Variants in SORCS2 observed in about 807,000 individuals in gnomAD.
The protein encoded by SORCS2 is VPS10 domain-containing receptor SorCS2.
A neutral mutation model predicts 141.6 loss-of-function variants in SORCS2; 100 were observed. The ratio of observed to expected loss-of-function variants is 0.71; its 90% CI spans 0.60 to 0.83. SORCS2 has a LOEUF of 0.83. Ranked by LOEUF, SORCS2 falls within the 40% of genes least tolerant of loss-of-function variation. The pLI, the probability that SORCS2 is intolerant of heterozygous loss-of-function variation, is 0.00. For missense variants in SORCS2, 1,646 were observed against 1,560.2 expected, an observed-to-expected ratio of 1.05 and a Z score of -0.93; for synonymous variants, 789 against 676.9, an observed-to-expected ratio of 1.17 and a Z score of -2.57.
At chr4:7,489,529 C>T (rs753880855) in intron 2 of SORCS2, among the ~76,000 whole-genome samples, 13 of 151,954 alleles carry the variant, frequency 8.6e-5, no homozygotes, top group African/African-American at 1.9e-4. Context: ...AAACTGTCCC[C>T]GGCCCTCCTG....
chr4:7,452,873 G>C lies in SORCS2; in HGVS notation c.548+56518G>C, dbSNP rs557894234. Among the ~76,000 whole-genome samples the C allele has an allele frequency of 3.4e-4, 51 of 149,506 alleles. 1 individual carries two copies. The highest frequency in any genetic ancestry group is 1.2e-3 in the African/African-American group (50 of 40,638). ...GGGTCAGGTGCTGTGTTGGGGTCAG[G>C]TGCCGTGTTGGGGTCAGGCGCTGTG... On this transcript the variant is annotated intron_variant, in intron 2 of 26. Transcript: ENST00000507866.
intron 23 of SORCS2, among the ~76,000 whole-genome samples, chr4:7,731,102 C>G (rs1711636964): frequency 6.6e-6 from 1 of 152,178 alleles, no homozygotes; most frequent in African/African-American, 2.4e-5. Context: ...AGCAGAAGCG[C>G]TTCTACACAC....
At chr4:7,725,342 G>A (rs1033618806) in intron 20 of SORCS2, 55 bp downstream of exon 20, 8 of 1,568,784 alleles carry the variant, frequency 5.1e-6, no homozygotes, top group Admixed American at 1.8e-5. Context: ...CCCACAAGCT[G>A]CACAGTGGGG....
intron 1 of SORCS2, among the ~76,000 whole-genome samples, chr4:7,305,224 G>A (rs970612969): frequency 2.0e-5 from 3 of 152,092 alleles, no homozygotes; most frequent in African/African-American, 7.2e-5. Context: ...GTAGAGATGG[G>A]GTTTCACCGT....
chr4:7,695,973 C>A (rs55777606), intron 11 of SORCS2, among the ~76,000 whole-genome samples: 13,013 of 101,724 alleles, frequency 0.13, 1,223 homozygotes, highest in Middle Eastern at 0.33. Flanking sequence ...GATGGATGGA[C>A]AGATGGATGA....
chr4:7,646,801 C>T (rs1721111444), intron 4 of SORCS2, among the ~76,000 whole-genome samples: 1 of 152,180 alleles, frequency 6.6e-6, no homozygotes, highest in Admixed American at 6.5e-5. Flanking sequence ...TTAAGCTGAG[C>T]CCTCTGGGGT....
intron 1 of SORCS2, among the ~76,000 whole-genome samples, chr4:7,321,223 C>G (rs1383676762): frequency 6.6e-6 from 1 of 152,168 alleles, no homozygotes; most frequent in Non-Finnish European, 1.5e-5. Context: ...AGTTACTTCA[C>G]TTAGAATAAT....
At chr4:7,639,464 G>A (rs1720494814) in intron 4 of SORCS2, among the ~76,000 whole-genome samples, 1 of 151,802 alleles carries the variant, frequency 6.6e-6, no homozygotes, top group South Asian at 2.1e-4. Flanking sequence ...GTGTGTGGGT[G>A]TGTCAGTGTG....
At chr4:7,270,530 C>T (rs1250412258) in intron 1 of SORCS2, among the ~76,000 whole-genome samples, 1 of 152,206 alleles carries the variant, frequency 6.6e-6, no homozygotes, top group Non-Finnish European at 1.5e-5. Flanking sequence ...GCTACGGGTC[C>T]TCACACCACA....
At chr4:7,440,784 C>T (rs560489709) in intron 2 of SORCS2, among the ~76,000 whole-genome samples, 29 of 152,190 alleles carry the variant, frequency 1.9e-4, no homozygotes, top group Non-Finnish European at 3.2e-4. Context: ...CTTCATTGCC[C>T]GGCCACATGG....
chr4:7,526,572 A>G (rs1451119625), intron 2 of SORCS2, among the ~76,000 whole-genome samples: 2 of 152,194 alleles, frequency 1.3e-5, no homozygotes. Flanking sequence ...GCTGCTCCGT[A>G]TGATACCACA....
intron 1 of SORCS2, among the ~76,000 whole-genome samples, chr4:7,251,242 C>T (rs767752777): frequency 5.9e-5 from 9 of 152,238 alleles, no homozygotes; most frequent in Non-Finnish European, 1.0e-4. Context: ...ACAATGCCTT[C>T]TGAGCTCTGC....
At chr4:7,220,721 G>A (rs1204365804) in intron 1 of SORCS2, among the ~76,000 whole-genome samples, 1 of 152,134 alleles carries the variant, frequency 6.6e-6, no homozygotes, top group South Asian at 2.1e-4. Context: ...TTTGCACGCT[G>A]TGGGGTGGCC....
At chr4:7,708,972 A>G (rs915867004) in intron 14 of SORCS2, among the ~76,000 whole-genome samples, 33 of 152,082 alleles carry the variant, frequency 2.2e-4, no homozygotes, top group Admixed American at 5.2e-4. Flanking sequence ...AAAATCCTTC[A>G]TGACTTTTGC....
intron 1 of SORCS2, among the ~76,000 whole-genome samples, chr4:7,353,248 T>G (rs898551290): frequency 1.3e-5 from 2 of 151,926 alleles, no homozygotes; most frequent in African/African-American, 4.8e-5. Context: ...GGCAAAAAAG[T>G]GGGGGTGTCT....
intron 1 of SORCS2, among the ~76,000 whole-genome samples, chr4:7,360,571 CTTTTTTTTTTTTTTT>C (rs753548897): frequency 1.4e-4 from 7 of 49,272 alleles, no homozygotes; most frequent in Non-Finnish European, 1.9e-4. Flanking sequence ...CCAGTCCCTT[CTTTTTTTTTTTTTTT>C]TTTTTTTTTT....
intron 2 of SORCS2, among the ~76,000 whole-genome samples, chr4:7,407,966 T>C (rs963329328): frequency 6.6e-6 from 1 of 152,120 alleles, no homozygotes; most frequent in African/African-American, 2.4e-5. Flanking sequence ...CCCTTTATCC[T>C]CATCTCCCCC....
At chr4:7,739,286 G>C (rs1425771440) in intron 26 of SORCS2, among the ~76,000 whole-genome samples, 1 of 152,100 alleles carries the variant, frequency 6.6e-6, no homozygotes, top group East Asian at 1.9e-4. Flanking sequence ...TGCTCCTGCT[G>C]GGGCAGGAGG....
intron 3 of SORCS2, among the ~76,000 whole-genome samples, chr4:7,564,723 A>G (rs943538550): frequency 6.6e-6 from 1 of 152,196 alleles, no homozygotes; most frequent in Non-Finnish European, 1.5e-5. Context: ...GCTTGTTTCC[A>G]CGGCAGCCAC....
Sources: gnomAD v4.1 joint callset for allele counts (sites outside exome capture counted in the v4.1 genomes callset) on GRCh38, gnomAD v4.1.1 for gene constraint, MANE v1.5 for transcripts, NCBI Gene and HGNC (gene_info 2026-07-23, HGNC 2026-07-21) for gene names.